Variants in WDR25 observed in about 807,000 individuals in gnomAD.
WDR25 encodes the protein WD repeat domain 25.
A neutral mutation model predicts 47.7 loss-of-function variants in WDR25; 35 were observed. That is an observed-to-expected ratio of 0.73 (90% CI 0.56 to 0.97). The LOEUF (loss-of-function observed/expected upper bound fraction) is 0.97, where lower values mean the gene tolerates loss of function less well. WDR25 is among the 50% of genes least tolerant of loss of function. The probability of loss-of-function intolerance (pLI) is 0.00; values close to 1 mark genes in which losing one functional copy is unlikely to be tolerated. For synonymous variants in WDR25, 248 were observed against 278.9 expected, an observed-to-expected ratio of 0.89 and a Z score of 1.10; for missense variants, 634 against 704.7, an observed-to-expected ratio of 0.90 and a Z score of 1.14.
intron 2 of WDR25, among the ~76,000 whole-genome samples, chr14:100,387,646 T>G (rs1041758623): frequency 1.3e-5 from 2 of 152,200 alleles, no homozygotes; most frequent in African/African-American, 4.8e-5. Flanking sequence ...ATGAGGAAAT[T>G]GAGGCACAGA....
At chr14:100,401,753 A>G (rs111874897) in intron 2 of WDR25, among the ~76,000 whole-genome samples, 4,834 of 152,242 alleles carry the variant, frequency 0.032, 108 homozygotes, top group Middle Eastern at 0.054. Flanking sequence ...AGTGGGGAGG[A>G]CACTTCATCC....
intron 2 of WDR25, among the ~76,000 whole-genome samples, chr14:100,391,703 T>G (rs1414199666): frequency 6.6e-6 from 1 of 152,096 alleles, no homozygotes; most frequent in African/African-American, 2.4e-5. Context: ...ACATCTAATT[T>G]AAACCCTTCT....
At chr14:100,481,287 C>T (rs1158625749) in intron 3 of WDR25, 21 of 788,386 alleles carry the variant, frequency 2.7e-5, no homozygotes, top group Non-Finnish European at 3.8e-5. Flanking sequence ...ATACCATATA[C>T]CATGTCTTAT....
At chr14:100,517,309 C>A (rs1255990863) in intron 4 of WDR25, among the ~76,000 whole-genome samples, 11 of 151,788 alleles carry the variant, frequency 7.2e-5, no homozygotes, top group Non-Finnish European at 1.5e-5. Context: ...GATCTCTTGA[C>A]CTCATGATCC....
Position 100,377,067 on chromosome 14 carries a change from T to C in WDR25, c.-16+572T>C, listed in dbSNP as rs140741193. ...TTACTGTCTGTTCCTCTTCGTTTAA[T>C]CCCTCATCTCCTTCCAGAGGGAGCA... is the stretch of plus-strand genomic sequence containing the variant. On this transcript the variant is annotated intron_variant, in intron 1 of 6. Transcript: ENST00000402312. Among the ~76,000 whole-genome samples the C allele has an allele frequency of 6.7e-3, 1,013 of 152,314 alleles. 7 individuals carry two copies. The highest frequency in any genetic ancestry group is 0.01 in the Middle Eastern group (3 of 294).
In WDR25 at chr14:100,502,339, C is replaced by T. The variant is rs530947268; in HGVS notation, c.1101+18215C>T. Among the ~76,000 whole-genome samples the T allele has an allele frequency of 3.3e-5, 5 of 152,356 alleles. No individual in the cohort carries two copies. In the East Asian group the frequency reaches 7.7e-4, roughly 24 times the overall value. On this transcript the variant is annotated intron_variant, in intron 4 of 6. Transcript: ENST00000402312. The surrounding 1 kb of genome is among the most constrained non-coding windows in gnomAD (Gnocchi z 4.5). ...ATGAGCCCCCCACATTCAGTGCCCTCATTCCCTGGTCCTCAGTTTCCCCAT... is the reference window on the plus strand; with the variant it reads ...ATGAGCCCCCCACATTCAGTGCCCTTATTCCCTGGTCCTCAGTTTCCCCAT...
At chr14:100,437,890 AC>A (rs1255042392) in intron 2 of WDR25, among the ~76,000 whole-genome samples, 2 of 152,112 alleles carry the variant, frequency 1.3e-5, no homozygotes, top group Non-Finnish European at 2.9e-5. Flanking sequence ...TTCAAGGAGG[AC>A]TGCACCTCCC....
intron 2 of WDR25, chr14:100,382,015 A>G (rs1442571359): frequency 2.9e-6 from 2 of 701,066 alleles, no homozygotes; most frequent in East Asian, 2.7e-5. Context: ...AGGAGGTGAG[A>G]GTGATTAGTG....
Position 100,525,052 on chromosome 14 carries a change from C to T in WDR25, c.1102-818C>T, listed in dbSNP as rs559366233. 1.6e-4 allele frequency among the ~76,000 whole-genome samples: 25 copies of T among 152,304 alleles called. No homozygotes were observed. The highest frequency in any genetic ancestry group is 4.1e-4 in the African/African-American group (17 of 41,564). On this transcript the variant is annotated intron_variant, in intron 4 of 6. Coordinates refer to ENST00000402312, the MANE Select transcript of WDR25 (RefSeq NM_001161476.3). This position sits in a 1 kb window ranked among gnomAD's most constrained non-coding sequence, Gnocchi z 4.6. ...GCGGCCCAGGAACTGGTAAAGGGAC[C>T]GGCCGGCCCCTGCGACCAACTTGAG...
In WDR25 at chr14:100,449,787, A is replaced by G. The variant is rs1239921802; in HGVS notation, c.823-18234A>G. 1.3e-5 allele frequency among the ~76,000 whole-genome samples: 2 copies of G among 152,154 alleles called. No homozygotes were observed. The highest frequency in any genetic ancestry group is 4.8e-5 in the African/African-American group (2 of 41,442). ...CCTCACTTGTAGAGGTGGCACCATCATGCGGTCATAGGATGAGACGTCCCA... is the reference window on the plus strand; with the variant it reads ...CCTCACTTGTAGAGGTGGCACCATCGTGCGGTCATAGGATGAGACGTCCCA... On this transcript the variant is annotated intron_variant, in intron 2 of 6. Transcript: ENST00000402312. This position sits in a 1 kb window ranked among gnomAD's most constrained non-coding sequence, Gnocchi z 4.2.
chr14:100,403,256 A>C (rs1380477694), intron 2 of WDR25, among the ~76,000 whole-genome samples: 5 of 152,196 alleles, frequency 3.3e-5, no homozygotes, highest in Non-Finnish European at 7.4e-5. Flanking sequence ...CATCTGGCTC[A>C]TCTCTGGATC....
In WDR25 at chr14:100,525,914, C is replaced by T; in HGVS notation, c.1146C>T (p.Ile382=). The T allele has an allele frequency of 6.2e-7, 1 of 1,613,980 alleles. No homozygotes were observed. The highest frequency in any genetic ancestry group is 8.5e-7 in the Non-Finnish European group (1 of 1,179,956). ...CGACCATCCAGCAGACCTTGGACAT[C>T]CTGTTCCTCCGGGAAGGCTCCGAGT... ...YKATIQQTLD[I]LFLREGSEFL... is the part of the protein sequence containing the mutation. The change falls in exon 5 of 7, where the codon ATC becomes ATT. Residue 382 remains isoleucine, a synonymous_variant. Coordinates refer to ENST00000402312, the MANE Select transcript of WDR25 (RefSeq NM_001161476.3). This position sits in a 1 kb window ranked among gnomAD's most constrained non-coding sequence, Gnocchi z 4.6.
At chr14:100,447,297 G>T (rs1389605324) in intron 2 of WDR25, among the ~76,000 whole-genome samples, 2 of 152,216 alleles carry the variant, frequency 1.3e-5, no homozygotes, top group African/African-American at 4.8e-5. Context: ...CTCAGAAATG[G>T]ACTGGAGACC....
At chr14:100,426,864 T>G (rs1898184862) in intron 2 of WDR25, among the ~76,000 whole-genome samples, 2 of 152,166 alleles carry the variant, frequency 1.3e-5, no homozygotes, top group South Asian at 4.1e-4. Flanking sequence ...GCCCTGCCAT[T>G]AGCTATCCCA....
At chr14:100,505,034 G>A (rs1426781007) in intron 4 of WDR25, among the ~76,000 whole-genome samples, 1 of 152,098 alleles carries the variant, frequency 6.6e-6, no homozygotes, top group Non-Finnish European at 1.5e-5. Flanking sequence ...TTTTGTGAAG[G>A]ATCTGTTCAA....
chr14:100,425,939 C>T lies in WDR25; in HGVS notation c.823-42082C>T, dbSNP rs565410481. 1.2e-4 allele frequency among the ~76,000 whole-genome samples: 19 copies of T among 152,242 alleles called. No individual in the cohort carries two copies. Among genetic ancestry groups the T allele is most frequent in the African/African-American group, 3.1e-4 (13 of 41,538 alleles). On this transcript the variant is annotated intron_variant, in intron 2 of 6. Transcript: ENST00000402312. The surrounding 1 kb of genome is among the most constrained non-coding windows in gnomAD (Gnocchi z 4.8). ...GGCGAGACCCTGGGCCTTGCGAGGA[C>T]GCCGTCCTGACATTTCCACCCCAAA...
chr14:100,505,416 G>C (rs1344165001), intron 4 of WDR25, among the ~76,000 whole-genome samples: 1 of 152,052 alleles, frequency 6.6e-6, no homozygotes, highest in Non-Finnish European at 1.5e-5. Context: ...TCTCTTTCTG[G>C]CTTGTCAGTT....
At chr14:100,520,812 T>C (rs1207944431) in intron 4 of WDR25, among the ~76,000 whole-genome samples, 1 of 152,192 alleles carries the variant, frequency 6.6e-6, no homozygotes, top group Admixed American at 6.5e-5. Context: ...CCTTAGTTCC[T>C]CAGGTGGAGG....
intron 2 of WDR25, among the ~76,000 whole-genome samples, chr14:100,426,795 G>A (rs1437250109): frequency 1.3e-5 from 2 of 152,248 alleles, no homozygotes; most frequent in African/African-American, 4.8e-5. Flanking sequence ...CAAGGCAACC[G>A]GGCACAGAGA....
Sources: allele counts gnomAD v4.1 joint callset (sites outside exome capture counted in the v4.1 genomes callset), GRCh38; gene constraint gnomAD v4.1.1; non-coding constraint Gnocchi (gnomAD v3.1); transcripts MANE v1.5; gene names NCBI Gene and HGNC (gene_info 2026-07-23, HGNC 2026-07-21).